Variants in NLGN1 observed in about 807,000 individuals in gnomAD.
NLGN1 encodes the protein neuroligin-1.
Under a neutral mutation model 65.5 loss-of-function variants are expected in NLGN1, and 12 were observed. The ratio of observed to expected loss-of-function variants is 0.18; its 90% CI spans 0.12 to 0.30. The LOEUF (loss-of-function observed/expected upper bound fraction) is 0.30, where lower values mean the gene tolerates loss of function less well. Among genes scored for constraint, NLGN1 ranks in the 10% least tolerant of loss-of-function variants. The probability of loss-of-function intolerance (pLI) is 1.00; values close to 1 mark genes in which losing one functional copy is unlikely to be tolerated. For synonymous variants in NLGN1, 350 were observed against 359.5 expected, an observed-to-expected ratio of 0.97 and a Z score of 0.30; for missense variants, 750 against 1,007.1, an observed-to-expected ratio of 0.74 and a Z score of 3.46.
At chr3:173,495,180 C>T (rs1438915728) in intron 2 of NLGN1, among the ~76,000 whole-genome samples, 1 of 151,712 alleles carries the variant, frequency 6.6e-6, no homozygotes, top group Non-Finnish European at 1.5e-5. Context: ...ATGCTTTTAT[C>T]ATTTTCAGTT....
At chr3:173,805,971 A>G (rs1560408850) in intron 3 of NLGN1, among the ~76,000 whole-genome samples, 1 of 152,154 alleles carries the variant, frequency 6.6e-6, no homozygotes, top group Non-Finnish European at 1.5e-5. Flanking sequence ...AGGAGAAAAT[A>G]AATTCAGATT....
chr3:173,620,712 GAGAT>G (rs890012531), intron 3 of NLGN1, among the ~76,000 whole-genome samples: 4 of 151,996 alleles, frequency 2.6e-5, no homozygotes, highest in Non-Finnish European at 5.9e-5. Flanking sequence ...ACTTGGGAGA[GAGAT>G]AAGTATGTCA....
At chr3:173,578,231 G>A (rs559676170) in intron 2 of NLGN1, among the ~76,000 whole-genome samples, 3 of 108,652 alleles carry the variant, frequency 2.8e-5, no homozygotes, top group Middle Eastern at 4.8e-3. Context: ...GCCAGACTCC[G>A]TCTCAAAAAA....
chr3:174,212,402 G>T (rs1736858182), intron 4 of NLGN1, among the ~76,000 whole-genome samples: 1 of 152,220 alleles, frequency 6.6e-6, no homozygotes, highest in South Asian at 2.1e-4. Flanking sequence ...GCCTTGGCCA[G>T]CCCAGAAAGG....
chr3:173,565,092 G>C (rs1236003027), intron 2 of NLGN1, among the ~76,000 whole-genome samples: 1 of 152,140 alleles, frequency 6.6e-6, no homozygotes, highest in African/African-American at 2.4e-5. Flanking sequence ...AGGAGTACGG[G>C]GCAAAGTTAG....
intron 3 of NLGN1, among the ~76,000 whole-genome samples, chr3:173,728,921 G>C (rs748404874): frequency 4.6e-5 from 7 of 152,026 alleles, no homozygotes; most frequent in Non-Finnish European, 7.4e-5. Flanking sequence ...CGAGTTTGTG[G>C]TAATTTGTTC....
intron 3 of NLGN1, among the ~76,000 whole-genome samples, chr3:173,801,148 CATT>C (rs1560399039): frequency 6.6e-6 from 1 of 151,912 alleles, no homozygotes; most frequent in Non-Finnish European, 1.5e-5. Context: ...TTTTCTACTT[CATT>C]AATATCCAAA....
intron 3 of NLGN1, among the ~76,000 whole-genome samples, chr3:173,673,554 C>T (rs955704047): frequency 6.6e-5 from 10 of 152,012 alleles, no homozygotes; most frequent in African/African-American, 1.9e-4. Context: ...AGGAATGTTG[C>T]GGGAGTATCA....
intron 4 of NLGN1, among the ~76,000 whole-genome samples, chr3:173,894,709 T>G (rs1239884749): frequency 6.6e-6 from 1 of 151,526 alleles, no homozygotes; most frequent in Admixed American, 6.6e-5. Context: ...ACATTATTGG[T>G]TCACTGCAAC....
intron 4 of NLGN1, among the ~76,000 whole-genome samples, chr3:174,212,369 G>C (rs574838782): frequency 6.6e-6 from 1 of 152,198 alleles, no homozygotes; most frequent in Non-Finnish European, 1.5e-5. Context: ...ACACCTCCCC[G>C]CAAGCTGAGG....
At chr3:173,925,431 G>T (rs1005489700) in intron 4 of NLGN1, among the ~76,000 whole-genome samples, 8 of 152,164 alleles carry the variant, frequency 5.3e-5, no homozygotes, top group Admixed American at 1.3e-4. Flanking sequence ...CACTGCAGCT[G>T]CTGTTTTTAT....
rs1029535435 is a variant in NLGN1 at position 174,083,964 on chromosome 3, A to T, written c.647-191351A>T. Among the ~76,000 whole-genome samples the T allele has an allele frequency of 6.6e-5, 10 of 152,338 alleles. No homozygotes were observed. In the East Asian group the frequency reaches 1.9e-3, roughly 29 times the overall value. ...CACTGTTCATTCTGTAGAGGGATAA[A>T]CAGCCTCTAGATGGAAAATATCATT... On this transcript the variant is annotated intron_variant, in intron 4 of 6. Coordinates refer to ENST00000457714, the Ensembl canonical transcript of NLGN1.
chr3:173,905,759 A>C (rs915808354), intron 4 of NLGN1, among the ~76,000 whole-genome samples: 18 of 152,238 alleles, frequency 1.2e-4, no homozygotes, highest in Admixed American at 7.2e-4. Context: ...CTGCAAAAGA[A>C]GTCTCAGGAC....
chr3:173,830,900 T>C (rs1291828710), intron 4 of NLGN1, among the ~76,000 whole-genome samples: 2 of 152,188 alleles, frequency 1.3e-5, no homozygotes, highest in Admixed American at 1.3e-4. Context: ...TAGTTCCACA[T>C]GAGATTGAAG....
chr3:174,043,838 G>A (rs1313313138), intron 4 of NLGN1, among the ~76,000 whole-genome samples: 1 of 152,202 alleles, frequency 6.6e-6, no homozygotes, highest in Non-Finnish European at 1.5e-5. Flanking sequence ...GACGCTGTGT[G>A]GAGTCTTTGA....
At chr3:174,195,037 T>C (rs1733155041) in intron 4 of NLGN1, among the ~76,000 whole-genome samples, 1 of 152,042 alleles carries the variant, frequency 6.6e-6, no homozygotes, top group Non-Finnish European at 1.5e-5. Flanking sequence ...AATTTTGTAT[T>C]TTTAGTAGTG....
chr3:173,864,118 T>C (rs1466861494), intron 4 of NLGN1, among the ~76,000 whole-genome samples: 1 of 152,226 alleles, frequency 6.6e-6, no homozygotes, highest in African/African-American at 2.4e-5. Context: ...GACTGTTGAA[T>C]GGCTTGTTTA....
intron 3 of NLGN1, among the ~76,000 whole-genome samples, chr3:173,614,139 G>A (rs953837370): frequency 6.6e-6 from 1 of 151,834 alleles, no homozygotes; most frequent in African/African-American, 2.4e-5. Context: ...AAAGGTTTGG[G>A]GCTCCTCTTC....
At chr3:173,455,666 A>G (rs1722388348) in intron 2 of NLGN1, among the ~76,000 whole-genome samples, 1 of 152,208 alleles carries the variant, frequency 6.6e-6, no homozygotes, top group African/African-American at 2.4e-5. Context: ...TGTGGAAAGT[A>G]TAATAAAGCA....
Sources: gnomAD v4.1 joint callset for allele counts (sites outside exome capture counted in the v4.1 genomes callset) on GRCh38, gnomAD v4.1.1 for gene constraint, MANE v1.5 for transcripts, NCBI Gene and HGNC (gene_info 2026-07-23, HGNC 2026-07-21) for gene names.